Variants in CABIN1 observed in about 807,000 individuals in gnomAD.
CABIN1 encodes the protein calcineurin binding protein 1.
Under a neutral mutation model 227.7 loss-of-function variants are expected in CABIN1, and 133 were observed. That is an observed-to-expected ratio of 0.58 (90% CI 0.51 to 0.67). The LOEUF (loss-of-function observed/expected upper bound fraction) is 0.67. CABIN1 is among the 30% of genes least tolerant of loss of function. The pLI, the probability that CABIN1 is intolerant of heterozygous loss-of-function variation, is 0.00. For missense variants in CABIN1, 2,408 were observed against 2,852.5 expected, an observed-to-expected ratio of 0.84 and a Z score of 3.55; for synonymous variants, 1,086 against 1,155.1, an observed-to-expected ratio of 0.94 and a Z score of 1.21.
intron 1 of CABIN1, among the ~76,000 whole-genome samples, chr22:24,019,513 G>T (rs990293982): frequency 3.3e-5 from 5 of 150,266 alleles, no homozygotes; most frequent in African/African-American, 1.2e-4. Flanking sequence ...CCTCAGCCTC[G>T]CAGAGCACTG....
At chr22:24,111,131 G>A (rs2042785883) in intron 26 of CABIN1, among the ~76,000 whole-genome samples, 1 of 152,122 alleles carries the variant, frequency 6.6e-6, no homozygotes, top group Non-Finnish European at 1.5e-5. Flanking sequence ...TTACAATGGG[G>A]TTATTTCCTG....
intron 1 of CABIN1, among the ~76,000 whole-genome samples, chr22:24,029,328 G>T (rs917626186): frequency 6.6e-6 from 1 of 152,166 alleles, no homozygotes; most frequent in Non-Finnish European, 1.5e-5. Context: ...AAGCCGAGGC[G>T]CTTGAGCTCA....
chr22:24,147,224 A>G (rs940084041), intron 29 of CABIN1, among the ~76,000 whole-genome samples: 7 of 150,936 alleles, frequency 4.6e-5, no homozygotes, highest in African/African-American at 1.7e-4. Flanking sequence ...GTATCCCAGC[A>G]GCACCTCCCT....
intron 1 of CABIN1, among the ~76,000 whole-genome samples, chr22:24,025,717 C>T (rs1340737177): frequency 3.9e-5 from 6 of 152,220 alleles, no homozygotes; most frequent in Admixed American, 3.9e-4. Flanking sequence ...CTCTGTCACC[C>T]GGGCTGAAGT....
intron 19 of CABIN1, among the ~76,000 whole-genome samples, chr22:24,078,048 C>T (rs1262696617): frequency 6.6e-6 from 1 of 152,214 alleles, no homozygotes; most frequent in Non-Finnish European, 1.5e-5. Context: ...CCTGACCACC[C>T]TGTGCCTTCT....
At chr22:24,074,345 A>C (rs71318946) in intron 18 of CABIN1, among the ~76,000 whole-genome samples, 1,596 of 152,326 alleles carry the variant, frequency 0.01, 18 homozygotes, top group Middle Eastern at 0.024. Flanking sequence ...AGGAAAAAGA[A>C]AGAAAAGAAA....
intron 1 of CABIN1, among the ~76,000 whole-genome samples, chr22:24,033,835 A>AACC (rs2036672679): frequency 6.6e-6 from 1 of 152,190 alleles, no homozygotes; most frequent in Non-Finnish European, 1.5e-5. Context: ...AGAGTTGTGT[A>AACC]ACCACCACCA....
intron 28 of CABIN1, among the ~76,000 whole-genome samples, chr22:24,119,923 G>C (rs780013915): frequency 2.0e-5 from 3 of 152,224 alleles, no homozygotes; most frequent in African/African-American, 4.8e-5. Context: ...GGAGGGAGGA[G>C]TGTAGGGGGT....
intron 1 of CABIN1, among the ~76,000 whole-genome samples, chr22:24,028,988 C>T (rs1387603418): frequency 6.6e-6 from 1 of 152,090 alleles, no homozygotes; most frequent in East Asian, 1.9e-4. Context: ...TGTGCCAAAT[C>T]AGTGTAAGAT....
intron 6 of CABIN1, 107 bp from the exon 7 acceptor site, chr22:24,048,984 C>G: frequency 7.7e-7 from 1 of 1,299,626 alleles, no homozygotes; most frequent in Non-Finnish European, 1.1e-6. Flanking sequence ...TATTTTTTAC[C>G]AGGCATTTCT....
chr22:24,144,305 TC>T (rs1177382022), intron 29 of CABIN1, among the ~76,000 whole-genome samples: 3 of 152,196 alleles, frequency 2.0e-5, no homozygotes, highest in Non-Finnish European at 4.4e-5. Flanking sequence ...GTGTCCTTGC[TC>T]CTCCTTGCCT....
At chr22:24,086,039 G>A (rs1004575214) in intron 22 of CABIN1, among the ~76,000 whole-genome samples, 1 of 152,230 alleles carries the variant, frequency 6.6e-6, no homozygotes, top group Non-Finnish European at 1.5e-5. Context: ...CTGGGTGTGA[G>A]TGGAAAAGCC....
At position 24,070,895 on chromosome 22, in the gene CABIN1, G is replaced by A; in HGVS notation, c.2328G>A (p.Glu776=). The part of the protein sequence containing the change: ...EAVQQMVNSG[E]AAAKEEWVAT... ...TCCAGCAGATGGTGAACTCAGGTGAGGCTGCCGCCAAGGAGGAGTGGGTGG... is the reference window on the plus strand; with the variant it reads ...TCCAGCAGATGGTGAACTCAGGTGAAGCTGCCGCCAAGGAGGAGTGGGTGG... The change falls in exon 17 of 37, where the codon GAG becomes GAA. Residue 776 remains glutamate, a synonymous_variant. Transcript: ENST00000263119. 6.2e-7 allele frequency: 1 copy of A among 1,614,230 alleles called. No homozygotes were observed. Among genetic ancestry groups the A allele is most frequent in the Non-Finnish European group, 8.5e-7 (1 of 1,180,042 alleles).
chr22:24,156,590 C>T (rs1441502314), intron 29 of CABIN1: 1 of 152,676 alleles, frequency 6.5e-6, no homozygotes, highest in Non-Finnish European at 1.5e-5. Context: ...AGCTGGCCGC[C>T]CGGCCGGGTG....
At chr22:24,119,723 G>C (rs1440440187) in intron 28 of CABIN1, 25 bp downstream of exon 28, 2 of 1,604,662 alleles carry the variant, frequency 1.2e-6, no homozygotes, top group Admixed American at 3.3e-5. Flanking sequence ...GGCCAAGGGG[G>C]CTTGGATCTT....
intron 28 of CABIN1, among the ~76,000 whole-genome samples, chr22:24,130,577 C>T (rs138736773): frequency 2.0e-5 from 3 of 152,280 alleles, no homozygotes; most frequent in Non-Finnish European, 4.4e-5. Flanking sequence ...TTCTATGCTG[C>T]AGGTGCACCG....
In CABIN1 at chr22:24,083,155, C is replaced by T. The variant is rs6004058; in HGVS notation, c.2749-73C>T. On this transcript the variant is annotated intron_variant, in intron 19 of 36. Transcript: ENST00000263119. ...AAGAGTTGATAGAGTGGTGGTTTCTCTGGGGCCCTGCTGTGACAGGGAGGC... is the reference window on the plus strand; with the variant it reads ...AAGAGTTGATAGAGTGGTGGTTTCTTTGGGGCCCTGCTGTGACAGGGAGGC... The T allele has an allele frequency of 2.0e-6, 3 of 1,513,076 alleles. No homozygotes were observed. In the South Asian group the frequency reaches 3.4e-5, roughly 17 times the overall value. The allele number at this position is 1,513,076 out of a possible 1,614,324, so 93.7% of individuals were successfully genotyped here. A position where few individuals can be genotyped will look rare whatever the true frequency, so the allele number is the denominator to read the frequency against.
intron 1 of CABIN1, among the ~76,000 whole-genome samples, chr22:24,033,224 C>A (rs2036620363): frequency 6.6e-6 from 1 of 152,186 alleles, no homozygotes; most frequent in Non-Finnish European, 1.5e-5. Context: ...AAAGTACTTC[C>A]TTCCTTGCAT....
chr22:24,113,190 C>T (rs908943944), intron 26 of CABIN1, among the ~76,000 whole-genome samples: 2 of 152,238 alleles, frequency 1.3e-5, no homozygotes, highest in Non-Finnish European at 2.9e-5. Flanking sequence ...TGCATCTCTT[C>T]CTAACTCCAC....
Sources: allele counts gnomAD v4.1 joint callset (sites outside exome capture counted in the v4.1 genomes callset), GRCh38; gene constraint gnomAD v4.1.1; transcripts MANE v1.5; gene names NCBI Gene and HGNC (gene_info 2026-07-23, HGNC 2026-07-21).